The following FGF13 variants were observed in gnomAD, a reference collection of about 807,000 sequenced individuals.
FGF13 encodes fibroblast growth factor 13.
In FGF13, 2 loss-of-function variants were observed where a neutral mutation model predicts 19.5. The ratio of observed to expected loss-of-function variants is 0.10; its 90% CI spans 0.04 to 0.32. The LOEUF (loss-of-function observed/expected upper bound fraction) is 0.32, where lower values mean the gene tolerates loss of function less well. FGF13 is among the 10% of genes least tolerant of loss of function. The pLI is 1.00. For synonymous variants in FGF13, 72 were observed against 76.9 expected (o/e 0.94, Z 0.33); for missense variants, 113 against 192.7 (o/e 0.59, Z 2.45).
intron 1 of FGF13, among the ~76,000 whole-genome samples, chrX:138,865,006 C>T (rs1243612683): frequency 1.8e-5 from 2 of 111,683 alleles, no homozygotes; most frequent in Admixed American, 1.9e-4. Flanking sequence ...CTGTGGACCC[C>T]CACCCAGGAG....
At chrX:138,681,629 C>T (rs2089729877) in intron 3 of FGF13, among the ~76,000 whole-genome samples, 1 of 112,587 alleles carries the variant, frequency 8.9e-6, no homozygotes, top group Admixed American at 9.4e-5. Context: ...TAGTTTTTGG[C>T]TTATTTCAGC....
chrX:138,892,490 A>T (rs1180702622), intron 1 of FGF13, among the ~76,000 whole-genome samples: 1 of 112,155 alleles, frequency 8.9e-6, no homozygotes, highest in African/African-American at 3.2e-5. Flanking sequence ...AGTAATATAC[A>T]GACAAGATCT....
intron 3 of FGF13, among the ~76,000 whole-genome samples, chrX:138,670,426 A>G (rs1055107710): frequency 1.8e-5 from 2 of 112,190 alleles, no homozygotes; most frequent in African/African-American, 6.5e-5. Flanking sequence ...AGCAACAAAG[A>G]AAAAAATGCA....
At chrX:139,094,026 C>T (rs1158511157) in intron 1 of FGF13, among the ~76,000 whole-genome samples, 1 of 111,806 alleles carries the variant, frequency 8.9e-6, no homozygotes, top group South Asian at 3.8e-4. Flanking sequence ...GGGATAGCAC[C>T]TCAGCCTAAT....
intron 3 of FGF13, among the ~76,000 whole-genome samples, chrX:138,828,393 C>A (rs1411207614): frequency 1.8e-5 from 2 of 109,584 alleles, no homozygotes; most frequent in Non-Finnish European, 3.8e-5. Context: ...ACGGTGAAAC[C>A]CCGTCTCTAC....
At position 138,617,020 on chromosome X, in the gene FGF13, T is replaced by C. The variant is rs1445370514; in HGVS notation, c.*15830A>G. On this transcript the variant is annotated 3_prime_UTR_variant, in exon 5 of 5. Transcript: ENST00000315930. ...TTTTTTCCTTCAAGGCCTCCTGGCC[T>C]ATAATGGGAGAGGCTGCAGTGAAGG... is the stretch of plus-strand genomic sequence containing the variant. 2 of 112,089 alleles carry C rather than the reference T, an allele frequency of 1.8e-5. No individual in the cohort carries two copies. The highest frequency in any genetic ancestry group is 3.8e-5 in the Non-Finnish European group (2 of 53,260). 9.2% of individuals were successfully genotyped at this position (112,089 alleles called of 1,213,427 possible). A position where few individuals can be genotyped will look rare whatever the true frequency, so the allele number is the denominator to read the frequency against.
intron 3 of FGF13, among the ~76,000 whole-genome samples, chrX:138,846,004 C>A (rs184364324): frequency 5.0e-4 from 56 of 111,043 alleles, no homozygotes; most frequent in African/African-American, 1.8e-3. Context: ...AATGTCCTCG[C>A]TGTATGAATG....
chrX:138,622,413 A>AAAAC lies in FGF13; in HGVS notation c.*10433_*10436dup, dbSNP rs1182660503. On this transcript the variant is annotated 3_prime_UTR_variant, in exon 5 of 5. Transcript: ENST00000315930. ...AAAAAATCAACACCCTTTCATGATG[A>AAAAC]AAACATTCAAAACATTAGGTAGAGA... 3 of 111,992 alleles carry AAAAC rather than the reference A, an allele frequency of 2.7e-5. No individual in the cohort carries two copies. The highest frequency in any genetic ancestry group is 9.7e-5 in the African/African-American group (3 of 30,896). 9.2% of individuals were successfully genotyped at this position (111,992 alleles called of 1,213,427 possible).
At chrX:138,996,212 G>A (rs545860279) in intron 1 of FGF13, among the ~76,000 whole-genome samples, 48 of 112,510 alleles carry the variant, frequency 4.3e-4, no homozygotes, top group South Asian at 3.3e-3. Context: ...AGGGCAAGCC[G>A]ATGCAGGGCA....
intron 3 of FGF13, among the ~76,000 whole-genome samples, chrX:138,763,600 T>C (rs1237568391): frequency 8.9e-6 from 1 of 112,223 alleles, no homozygotes; most frequent in East Asian, 2.8e-4. Context: ...AGCATCTTCA[T>C]GCACAGTATT....
chrX:139,122,183 A>G (rs774635186), intron 1 of FGF13, among the ~76,000 whole-genome samples: 4 of 111,829 alleles, frequency 3.6e-5, no homozygotes, highest in Non-Finnish European at 7.5e-5. Flanking sequence ...AGGGTCAGTA[A>G]GGCCCCAAGA....
At chrX:139,034,448 T>G (rs2092243953) in intron 1 of FGF13, among the ~76,000 whole-genome samples, 1 of 111,280 alleles carries the variant, frequency 9.0e-6, no homozygotes, top group South Asian at 3.8e-4. Flanking sequence ...AGAAAGACCA[T>G]GTTCTAGAAA....
chrX:138,807,191 G>A (rs1363855606), intron 3 of FGF13: 1 of 110,236 alleles, frequency 9.1e-6, no homozygotes, highest in African/African-American at 3.3e-5. Context: ...ATATAAAACT[G>A]ATGTTACTAG....
chrX:138,764,358 C>T lies in FGF13; in HGVS notation c.218-55430G>A, dbSNP rs142770353. The stretch of plus-strand genomic sequence containing the variant: ...GGATATGGAGCAATCCTCTAACCCC[C>T]GATGATGTAAACACTCAACTTTTTG... On this transcript the variant is annotated intron_variant, in intron 3 of 6. Coordinates refer to the FGF13 transcript ENST00000436198. Among the ~76,000 whole-genome samples, 603 of 112,241 alleles carry T rather than the reference C, an allele frequency of 5.4e-3. 7 individuals are homozygous for T. Among genetic ancestry groups the T allele is most frequent in the African/African-American group, 0.019 (577 of 30,935 alleles).
chrX:138,743,023 T>C (rs1023204150), upstream of FGF13, among the ~76,000 whole-genome samples: 1 of 111,607 alleles, frequency 9.0e-6, no homozygotes, highest in African/African-American at 3.3e-5. Context: ...AGGACAGATA[T>C]ATTTTTCATT....
At chrX:138,888,030 A>G (rs549713115) in intron 1 of FGF13, among the ~76,000 whole-genome samples, 1 of 112,113 alleles carries the variant, frequency 8.9e-6, no homozygotes, top group African/African-American at 3.2e-5. Flanking sequence ...AACTTGAATT[A>G]TGTTACATTT....
chrX:138,678,457 A>C (rs767662189), intron 3 of FGF13, among the ~76,000 whole-genome samples: 90 of 112,075 alleles, frequency 8.0e-4, no homozygotes, highest in Non-Finnish European at 1.5e-3. Flanking sequence ...CACGCATGCC[A>C]ATCTTTCTTA....
intron 1 of FGF13, among the ~76,000 whole-genome samples, chrX:138,891,189 G>C (rs1445654533): frequency 1.8e-5 from 2 of 111,792 alleles, no homozygotes; most frequent in Non-Finnish European, 3.8e-5. Flanking sequence ...GGAGGCTGAG[G>C]CAGGAGAATG....
chrX:138,785,674 T>A (rs2090686752), intron 3 of FGF13, among the ~76,000 whole-genome samples: 1 of 112,180 alleles, frequency 8.9e-6, no homozygotes, highest in Non-Finnish European at 1.9e-5. Flanking sequence ...GCCACTGGTC[T>A]TTGCTTCTAA....
Sources: gnomAD v4.1 joint callset for allele counts (sites outside exome capture counted in the v4.1 genomes callset) on GRCh38, gnomAD v4.1.1 for gene constraint, MANE v1.5 for transcripts, NCBI Gene and HGNC (gene_info 2026-07-23, HGNC 2026-07-21) for gene names.